PCNX2: variants seen among roughly 807,000 people sequenced by gnomAD.
PCNX2 encodes pecanex 2, also known as pecanex-like protein 2.
In PCNX2, 168 loss-of-function variants were observed where a neutral mutation model predicts 223.8. The ratio of observed to expected loss-of-function variants is 0.75; its 90% CI spans 0.66 to 0.85. The LOEUF is 0.85. PCNX2 is among the 40% of genes least tolerant of loss of function. The pLI, the probability that PCNX2 is intolerant of heterozygous loss-of-function variation, is 0.00. For synonymous variants in PCNX2, 1,006 were observed against 1,052.6 expected, an observed-to-expected ratio of 0.96 and a Z score of 0.86; for missense variants, 2,507 against 2,675.5, an observed-to-expected ratio of 0.94 and a Z score of 1.39.
rs184704075 is a variant in PCNX2, at chr1:233,084,738, C to G, written c.4076+5323G>C. ...ATGACAAAGTTTGGTTATTTAGTGACTGTTTATATACAAAGAGCAGGATGA... is the reference window on the plus strand; with the variant it reads ...ATGACAAAGTTTGGTTATTTAGTGAGTGTTTATATACAAAGAGCAGGATGA... On this transcript the variant is annotated intron_variant, in intron 23 of 33. Coordinates refer to ENST00000258229, the MANE Select transcript of PCNX2 (RefSeq NM_014801.4). 1.3e-3 allele frequency among the ~76,000 whole-genome samples: 193 copies of G among 152,320 alleles called. 1 individual carries two copies. The highest frequency in any genetic ancestry group is 2.2e-3 in the Non-Finnish European group (153 of 68,018).
chr1:233,301,437 A>G, the PCNX2 span, among the ~76,000 whole-genome samples: 2 of 152,240 alleles, frequency 1.3e-5, no homozygotes, highest in Non-Finnish European at 2.9e-5. Context: ...ATATAAGGCA[A>G]GTATTTCCCT....
intron 21 of PCNX2, among the ~76,000 whole-genome samples, chr1:233,116,300 C>T (rs2102984643): frequency 6.6e-6 from 1 of 152,272 alleles, no homozygotes; most frequent in African/African-American, 2.4e-5. Context: ...ATTGAATACT[C>T]TATCCAAGAA....
At chr1:233,281,073 C>T (rs971994514) in intron 1 of PCNX2, among the ~76,000 whole-genome samples, 2 of 152,170 alleles carry the variant, frequency 1.3e-5, no homozygotes, top group Admixed American at 6.5e-5. Context: ...AGCAACACAG[C>T]AAGTGTTTTA....
intron 19 of PCNX2, among the ~76,000 whole-genome samples, chr1:233,141,639 C>T (rs1295748367): frequency 6.6e-6 from 1 of 152,102 alleles, no homozygotes; most frequent in Non-Finnish European, 1.5e-5. Context: ...TGCCGCTGCA[C>T]TCCAGCCTGA....
At chr1:233,061,994 G>T (rs894393738) in intron 23 of PCNX2, among the ~76,000 whole-genome samples, 27 of 151,986 alleles carry the variant, frequency 1.8e-4, no homozygotes, top group African/African-American at 6.5e-4. Context: ...CCTGACCTCA[G>T]GTGATCCACC....
Position 233,022,015 on chromosome 1 carries a change from G to T in PCNX2, c.4605+3131C>A, listed in dbSNP as rs1305578931. On this transcript the variant is annotated intron_variant, in intron 26 of 33. Coordinates refer to ENST00000258229, the MANE Select transcript of PCNX2 (RefSeq NM_014801.4). ...CCAACAGGGTTAGGCCAGGGAGGAT[G>T]GACCCAGACAGGGCATCTCACTCTC... is the stretch of plus-strand genomic sequence containing the variant. Among the ~76,000 whole-genome samples, 4 of 152,168 alleles carry T rather than the reference G, an allele frequency of 2.6e-5. No individual in the cohort carries two copies. The South Asian group carries it at 8.3e-4, about 31-fold the overall frequency.
intron 1 of PCNX2, chr1:233,292,158 T>C: frequency 3.6e-6 from 2 of 559,750 alleles, no homozygotes; most frequent in Non-Finnish European, 4.5e-6. Flanking sequence ...TCTGTTATAT[T>C]AAAAAGTGGA....
chr1:232,989,464 A>G (rs1339104944), intron 32 of PCNX2, among the ~76,000 whole-genome samples: 1 of 152,086 alleles, frequency 6.6e-6, no homozygotes, highest in African/African-American at 2.4e-5. Flanking sequence ...AAAAAAAAAA[A>G]AACTGCTCAC....
intron 15 of PCNX2, among the ~76,000 whole-genome samples, chr1:233,188,328 C>T (rs1178316359): frequency 6.6e-5 from 10 of 152,158 alleles, no homozygotes. Context: ...TCCTAGAGGC[C>T]TTTGCTCTGG....
intron 23 of PCNX2, among the ~76,000 whole-genome samples, chr1:233,078,995 A>G (rs1673224658): frequency 6.6e-6 from 1 of 152,186 alleles, no homozygotes. Context: ...AAGTAACAGC[A>G]TTCAGACACA....
chr1:233,039,900 A>G (rs1417632111), intron 25 of PCNX2, among the ~76,000 whole-genome samples: 2 of 152,224 alleles, frequency 1.3e-5, no homozygotes, highest in Non-Finnish European at 2.9e-5. Flanking sequence ...ACTTTATTTT[A>G]AATAAAAGAA....
chr1:233,009,071 C>T (rs1441343602), intron 28 of PCNX2, among the ~76,000 whole-genome samples: 1 of 152,174 alleles, frequency 6.6e-6, no homozygotes, highest in East Asian at 1.9e-4. Context: ...GGAGTCTGGG[C>T]ATGACTCTAT....
Position 232,998,407 on chromosome 1 carries a change from T to C in PCNX2, c.5635A>G (p.Ser1879Gly), listed in dbSNP as rs1473471845. 24 of 1,612,564 alleles carry C rather than the reference T, an allele frequency of 1.5e-5. No homozygotes were observed. The highest frequency in any genetic ancestry group is 1.8e-5 in the Non-Finnish European group (21 of 1,179,522). ...MRKDCNARQH[S>G]GGNIEDVDGG... is the part of the protein sequence containing the mutation. ...TCCACGTCTTCAATGTTGCCGCCAC[T>C]GTGCTGGCGGGCATTGCAATCCTTC... Residue 1879 changes from serine to glycine, a missense_variant, in exon 32 of 34, where the codon AGT (serine) becomes GGT (glycine). By Grantham distance (56) the Ser-to-Gly change is moderately conservative (BLOSUM62 0). This residue lies in a region of PCNX2 where 1,372 missense variants were observed against 1,509.4 expected (regional missense o/e 0.91). Coordinates refer to ENST00000258229, the MANE Select transcript of PCNX2 (RefSeq NM_014801.4).
chr1:233,200,918 C>G lies in PCNX2; in HGVS notation c.2864-654G>C, dbSNP rs533940929. ...GCGGGCGCCTGTAGTCCCAGCTACT[C>G]GGGAGGCTGAGGCAGGAGAATGGCG... On this transcript the variant is annotated intron_variant, in intron 13 of 33. Transcript: ENST00000258229. Among the ~76,000 whole-genome samples the G allele has an allele frequency of 2.1e-4, 31 of 149,210 alleles. No individual in the cohort carries two copies. The Middle Eastern group carries it at 0.01, about 50-fold the overall frequency.
intron 19 of PCNX2, among the ~76,000 whole-genome samples, chr1:233,147,148 T>C (rs1055024761): frequency 6.6e-6 from 1 of 152,128 alleles, no homozygotes; most frequent in Admixed American, 6.5e-5. Context: ...GGTTGACCCT[T>C]GAACAAGGGG....
At chr1:233,143,739 G>A (rs1217025467) in intron 19 of PCNX2, among the ~76,000 whole-genome samples, 4 of 152,176 alleles carry the variant, frequency 2.6e-5, no homozygotes, top group Admixed American at 6.5e-5. Context: ...CTTCTTTTCT[G>A]TCTTCCATGC....
chr1:233,132,892 CTTTT>C (rs892121349), intron 21 of PCNX2, among the ~76,000 whole-genome samples: 34 of 114,854 alleles, frequency 3.0e-4, no homozygotes, highest in Non-Finnish European at 4.3e-4. Flanking sequence ...CATTTTACAT[CTTTT>C]TTTTTTTTTT....
intron 21 of PCNX2, among the ~76,000 whole-genome samples, chr1:233,124,618 C>T (rs1316704750): frequency 2.0e-5 from 3 of 152,154 alleles, no homozygotes. Flanking sequence ...TTAATGGCAC[C>T]AGAGGAAATA....
chr1:233,198,461 T>C (rs1680863422), intron 15 of PCNX2, among the ~76,000 whole-genome samples: 1 of 152,258 alleles, frequency 6.6e-6, no homozygotes, highest in Non-Finnish European at 1.5e-5. Flanking sequence ...CTTCCCTTGC[T>C]GCCAGGTTAG....
Sources: allele counts gnomAD v4.1 joint callset (sites outside exome capture counted in the v4.1 genomes callset), GRCh38; gene constraint gnomAD v4.1.1; regional missense constraint gnomAD v4.1.1; transcripts MANE v1.5; gene names NCBI Gene and HGNC (gene_info 2026-07-23, HGNC 2026-07-21).